The following TCEAL1 variants were observed in gnomAD, a reference collection of about 807,000 sequenced individuals.
TCEAL1 encodes the protein transcription elongation factor A like 1, also known as transcription elongation factor A protein-like 1.
For synonymous variants in TCEAL1, 48 were observed against 46.0 expected (o/e 1.04, Z -0.17); for missense variants, 82 against 125.9 (o/e 0.65, Z 1.67).
intron 2 of TCEAL1, 98 bp from the exon 3 acceptor site, chrX:103,629,787 C>A: frequency 1.2e-6 from 1 of 820,866 alleles, no homozygotes; most frequent in Non-Finnish European, 1.6e-6. Flanking sequence ...AGGACCTGGC[C>A]CCCGAATCAG....
chrX:103,629,229 G>A (rs368687666), intron 1 of TCEAL1, among the ~76,000 whole-genome samples: 27 of 111,829 alleles, frequency 2.4e-4, no homozygotes, highest in African/African-American at 8.1e-4. Context: ...CCCCCGGGAG[G>A]GGGGTACAGA....
chrX:103,629,181 T>C (rs2073706698), intron 1 of TCEAL1, among the ~76,000 whole-genome samples, 156 bp downstream of exon 1: 2 of 111,514 alleles, frequency 1.8e-5, no homozygotes, highest in South Asian at 7.6e-4. Context: ...AATATGGTGG[T>C]CTTTGGGGCG....
chrX:103,629,269 G>C (rs2073707743), intron 1 of TCEAL1, among the ~76,000 whole-genome samples: 2 of 112,060 alleles, frequency 1.8e-5, no homozygotes, highest in African/African-American at 6.5e-5. Flanking sequence ...AAAATGCTTC[G>C]CTTCCACTTC....
Position 103,630,275 on chromosome X carries a change from G to C in TCEAL1, c.359G>C (p.Arg120Thr), listed in dbSNP as rs760687124. 8.3e-7 allele frequency: 1 copy of C among 1,210,670 alleles called. No homozygotes were observed. The highest frequency in any genetic ancestry group is 1.7e-5 in the African/African-American group (1 of 57,344). The change falls in exon 3 of 3, where the codon AGA (arginine) becomes ACA (threonine). Residue 120 changes from arginine (R) to threonine (T), a missense_variant. Transcript: ENST00000372625. Reference sequence around the variant, plus strand: ...CAATTTAGAGGGGACATACATGGCAGAAATTTAAGCAATGAGGAGATGATA... The same window carrying C: ...CAATTTAGAGGGGACATACATGGCACAAATTTAAGCAATGAGGAGATGATA... Reference protein sequence around the residue: ...RPQFRGDIHGRNLSNEEMIQA... With the variant: ...RPQFRGDIHGTNLSNEEMIQA...
At position 103,629,740 on chromosome X, in the gene TCEAL1, G is replaced by GGGAGAGCC. The variant is rs2073713123; in HGVS notation, c.-32-136_-32-129dup. The GGGAGAGCC allele has an allele frequency of 2.5e-5, 12 of 481,560 alleles. No homozygotes were observed. The South Asian group carries it at 5.9e-4, about 24-fold the overall frequency. 39.7% of individuals were successfully genotyped at this position (481,560 alleles called of 1,213,427 possible). ...GGGGCGACCGGGAAGCGGCGGAGTC[G>GGGAGAGCC]GGAGAGCCGGAGAGCCTCTGGGAAA... On this transcript the variant is annotated intron_variant, in intron 2 of 2. Transcript: ENST00000372625.
intron 1 of TCEAL1, among the ~76,000 whole-genome samples, chrX:103,629,288 A>C (rs2073707826): frequency 8.9e-6 from 1 of 111,876 alleles, no homozygotes; most frequent in Admixed American, 9.4e-5. Flanking sequence ...TCTCATCTGA[A>C]AAGAAATGGC....
chrX:103,630,599 G>A lies in TCEAL1; in HGVS notation c.*203G>A. On this transcript the variant is annotated 3_prime_UTR_variant, in exon 3 of 3. Transcript: ENST00000372625. ...ACAAGTTTCCCTCTTTCAGTCATGA[G>A]CCCTACACATTTGCATGAAAGATGT... is the stretch of plus-strand genomic sequence containing the variant. 1 of 422,422 alleles carries A rather than the reference G, an allele frequency of 2.4e-6. No homozygotes were observed. The highest frequency in any genetic ancestry group is 4.0e-6 in the Non-Finnish European group (1 of 252,095). 34.8% of individuals were successfully genotyped at this position (422,422 alleles called of 1,213,427 possible). A position where few individuals can be genotyped will look rare whatever the true frequency, so the allele number is the denominator to read the frequency against.
At position 103,629,429 on chromosome X, in the gene TCEAL1, G is replaced by A. The variant is rs920468933; in HGVS notation, c.-112-65G>A. On this transcript the variant is annotated intron_variant, in intron 1 of 2. Coordinates refer to ENST00000372625, the MANE Select transcript of TCEAL1 (RefSeq NM_004780.3). Reference sequence around the variant, plus strand: ...GTGCCCAGAAAGTGGGGGGTGGGGGGTGTCAGTCAGTCCGTCCCTCCTCCC... The same window carrying A: ...GTGCCCAGAAAGTGGGGGGTGGGGGATGTCAGTCAGTCCGTCCCTCCTCCC... 413 of 111,642 alleles carry A rather than the reference G, an allele frequency of 3.7e-3. 1 individual carries two copies. The highest frequency in any genetic ancestry group is 4.3e-3 in the Non-Finnish European group (233 of 53,569). 9.2% of individuals were successfully genotyped at this position (111,642 alleles called of 1,213,427 possible).
chrX:103,629,228 G>T (rs895684970), intron 1 of TCEAL1, among the ~76,000 whole-genome samples: 1 of 111,449 alleles, frequency 9.0e-6, no homozygotes, highest in Non-Finnish European at 1.9e-5. Context: ...TCCCCCGGGA[G>T]GGGGGTACAG....
rs1291475488 is a variant in TCEAL1, at chrX:103,630,700, ATATT to A, written c.*308_*311del. 1.3e-5 allele frequency: 2 copies of A among 159,626 alleles called. No individual in the cohort carries two copies. Among genetic ancestry groups the A allele is most frequent in the Non-Finnish European group, 2.6e-5 (2 of 77,259 alleles). The allele number at this position is 159,626 out of a possible 1,213,427, so 13.2% of individuals were successfully genotyped here. On this transcript the variant is annotated 3_prime_UTR_variant, in exon 3 of 3. Transcript: ENST00000372625. ...TATCCCATTTTTGTAAAAAAAATGT[ATATT>A]TATATATTAATATGCAAAGAAAAAG...
rs2073714189 is a variant in TCEAL1, at chrX:103,629,884, G to A, written c.-32-1G>A. On this transcript the variant is annotated splice_acceptor_variant, in intron 2 of 2. Coordinates refer to ENST00000372625, the MANE Select transcript of TCEAL1 (RefSeq NM_004780.3). LOFTEE classifies it low-confidence loss of function (5UTR_SPLICE). ...CTATTCTGCCTTTCTTGTCTCCTAAGAATAACTGTGCTTGAAGAAGAAAAT... is the reference window on the plus strand; with the variant it reads ...CTATTCTGCCTTTCTTGTCTCCTAAAAATAACTGTGCTTGAAGAAGAAAAT... The A allele has an allele frequency of 9.0e-7, 1 of 1,113,552 alleles. No individual in the cohort carries two copies. The highest frequency in any genetic ancestry group is 3.4e-5 in the Admixed American group (1 of 29,671). 91.8% of individuals were successfully genotyped at this position (1,113,552 alleles called of 1,213,427 possible).
Position 103,630,535 on chromosome X carries a change from A to G in TCEAL1, c.*139A>G. 1 of 735,401 alleles carries G rather than the reference A, an allele frequency of 1.4e-6. No homozygotes were observed. The highest frequency in any genetic ancestry group is 1.9e-6 in the Non-Finnish European group (1 of 522,352). The allele number at this position is 735,401 out of a possible 1,213,427, so 60.6% of individuals were successfully genotyped here. Reference sequence around the variant, plus strand: ...TGAGGCTTTATTTTAGATGTTTAGCATGTAACTCGCTTAAAGTTGAGGTTT... The same window carrying G: ...TGAGGCTTTATTTTAGATGTTTAGCGTGTAACTCGCTTAAAGTTGAGGTTT... On this transcript the variant is annotated 3_prime_UTR_variant, in exon 3 of 3. Transcript: ENST00000372625.
chrX:103,629,717 G>A, intron 2 of TCEAL1, 144 bp downstream of exon 2: 1 of 425,498 alleles, frequency 2.4e-6, no homozygotes, highest in South Asian at 5.8e-5. Flanking sequence ...GGAAGGAGGG[G>A]GCGACCGGGA....
Position 103,630,486 on chromosome X carries a change from C to A in TCEAL1, c.*90C>A. ...TTTGCATTTTCTTAATGCCTTTTCC[C>A]ATATTCTGAATTTTAACTTTTTGTG... is the stretch of plus-strand genomic sequence containing the variant. On this transcript the variant is annotated 3_prime_UTR_variant, in exon 3 of 3. Coordinates refer to ENST00000372625, the MANE Select transcript of TCEAL1 (RefSeq NM_004780.3). 1.0e-6 allele frequency: 1 copy of A among 996,674 alleles called. No individual in the cohort carries two copies. Among genetic ancestry groups the A allele is most frequent in the Non-Finnish European group, 1.3e-6 (1 of 756,145 alleles). The allele number at this position is 996,674 out of a possible 1,213,427, so 82.1% of individuals were successfully genotyped here. A position where few individuals can be genotyped will look rare whatever the true frequency, so the allele number is the denominator to read the frequency against.
rs1249643711 is a variant in TCEAL1 at position 103,629,014 on chromosome X, A to G, written c.-124A>G. 1 of 111,576 alleles carries G rather than the reference A, an allele frequency of 9.0e-6. No individual in the cohort carries two copies. The highest frequency in any genetic ancestry group is 1.9e-5 in the Non-Finnish European group (1 of 52,985). The allele number at this position is 111,576 out of a possible 1,213,427, so 9.2% of individuals were successfully genotyped here. ...CCCTATTACCCTTTGGTCGAGAGGG[A>G]AAGCAGAAGAAGTAAGTTCCCTCTA... On this transcript the variant is annotated 5_prime_UTR_variant, in exon 1 of 3. Coordinates refer to ENST00000372625, the MANE Select transcript of TCEAL1 (RefSeq NM_004780.3).
rs2073707060 is a variant in TCEAL1, at chrX:103,629,221, C to G, written c.-113+196C>G. ...GGGGAGGCGAGTACCTCCCCCGTCC[C>G]CCGGGAGGGGGGTACAGACATTTGG... On this transcript the variant is annotated intron_variant, in intron 1 of 2. Coordinates refer to ENST00000372625, the MANE Select transcript of TCEAL1 (RefSeq NM_004780.3). Among the ~76,000 whole-genome samples the G allele has an allele frequency of 3.6e-5, 4 of 111,238 alleles. No individual in the cohort carries two copies. In the Admixed American group the frequency reaches 3.8e-4, roughly 10 times the overall value.
chrX:103,629,790 C>G (rs2073713586), intron 2 of TCEAL1, 95 bp from the exon 3 acceptor site: 2 of 852,437 alleles, frequency 2.3e-6, no homozygotes, highest in African/African-American at 2.1e-5. Flanking sequence ...ACCTGGCCCC[C>G]GAATCAGGAA....
At position 103,628,999 on chromosome X, in the gene TCEAL1, C is replaced by G. The variant is rs1311711197; in HGVS notation, c.-139C>G. On this transcript the variant is annotated 5_prime_UTR_variant, in exon 1 of 3. Transcript: ENST00000372625. ...GCCTGTCCACCATCTCCCTATTACC[C>G]TTTGGTCGAGAGGGAAAGCAGAAGA... The G allele has an allele frequency of 1.8e-5, 2 of 112,061 alleles. No individual in the cohort carries two copies. The highest frequency in any genetic ancestry group is 6.5e-5 in the African/African-American group (2 of 30,782). 9.2% of individuals were successfully genotyped at this position (112,061 alleles called of 1,213,427 possible). A position where few individuals can be genotyped will look rare whatever the true frequency, so the allele number is the denominator to read the frequency against.
intron 1 of TCEAL1, among the ~76,000 whole-genome samples, chrX:103,629,232 G>C (rs1342401352): frequency 9.0e-6 from 1 of 111,713 alleles, no homozygotes; most frequent in Non-Finnish European, 1.9e-5. Context: ...CCGGGAGGGG[G>C]GTACAGACAT....
Sources: gnomAD v4.1 joint callset for allele counts (sites outside exome capture counted in the v4.1 genomes callset) on GRCh38, gnomAD v4.1.1 for gene constraint, MANE v1.5 for transcripts, NCBI Gene and HGNC (gene_info 2026-07-23, HGNC 2026-07-21) for gene names.